NOVA1: variants seen among roughly 807,000 people sequenced by gnomAD.
NOVA1 encodes RNA-binding protein Nova-1.
In NOVA1, 7 loss-of-function variants were observed where a neutral mutation model predicts 38.0. The observed-to-expected ratio is 0.18, with a 90% confidence interval of 0.10 to 0.35. The LOEUF is 0.35. Ranked by LOEUF, NOVA1 falls within the 10% of genes least tolerant of loss-of-function variation. The probability of loss-of-function intolerance (pLI) is 1.00; values close to 1 mark genes in which losing one functional copy is unlikely to be tolerated. For missense variants in NOVA1, 460 were observed against 616.0 expected (o/e 0.75, Z 2.68); for synonymous variants, 270 against 232.5 (o/e 1.16, Z -1.47).
intron 2 of NOVA1, among the ~76,000 whole-genome samples, chr14:26,514,359 G>A (rs1306937605): frequency 2.6e-5 from 4 of 151,528 alleles, no homozygotes; most frequent in Admixed American, 2.6e-4. Flanking sequence ...CATAGTTATG[G>A]TAAATCTGTA....
chr14:26,479,163 A>T (rs944972765), intron 3 of NOVA1: 8 of 152,026 alleles, frequency 5.3e-5, no homozygotes, highest in African/African-American at 1.9e-4. Context: ...ATAGTCTGTG[A>T]TAGTAAAATT....
chr14:26,503,501 T>C (rs533183303), intron 2 of NOVA1, among the ~76,000 whole-genome samples: 1 of 152,226 alleles, frequency 6.6e-6, no homozygotes, highest in African/African-American at 2.4e-5. Flanking sequence ...TATAAAAGTT[T>C]GGGATGGAAA....
intron 4 of NOVA1, among the ~76,000 whole-genome samples, chr14:26,459,505 C>T (rs1397296582): frequency 6.6e-6 from 1 of 151,908 alleles, no homozygotes; most frequent in East Asian, 1.9e-4. Flanking sequence ...AATATATTCC[C>T]ATCATTAAGC....
chr14:26,449,063 TAAAC>T, intron 4 of NOVA1, 100 bp from the exon 5 acceptor site: 1 of 1,101,112 alleles, frequency 9.1e-7, no homozygotes, highest in Non-Finnish European at 1.3e-6. Context: ...AACTGAAAAT[TAAAC>T]ATAATTTATG....
rs538270861 is a variant in NOVA1, at chr14:26,448,353, C to G, written c.1130G>C (p.Gly377Ala). 1.7e-5 allele frequency: 27 copies of G among 1,614,094 alleles called. 1 individual carries two copies. The South Asian group carries it at 2.9e-4, about 17-fold the overall frequency. Residue 377 changes from glycine (G) to alanine (A), a missense_variant, in exon 5 of 5, where the codon GGT becomes GCT. Physicochemically the swap from Gly to Ala is moderately conservative, Grantham distance 60 (BLOSUM62 0). Transcript: ENST00000539517. The surrounding 1 kb of genome is among the most constrained non-coding windows in gnomAD (Gnocchi z 5.3). ...SEASASGSTA[G>A]GTAGTFALGS... ...TAATGCAAATGTCCCCGCCGTACCA[C>G]CAGCTGTGCTGCCACTGGCTGAGGC...
At chr14:26,534,792 A>AT (rs1165466724) in intron 2 of NOVA1, among the ~76,000 whole-genome samples, 3 of 152,136 alleles carry the variant, frequency 2.0e-5, no homozygotes, top group African/African-American at 7.2e-5. Flanking sequence ...CCTAAATATA[A>AT]TCACAAGAGG....
At chr14:26,533,158 C>G (rs1219987553) in intron 2 of NOVA1, among the ~76,000 whole-genome samples, 1 of 152,218 alleles carries the variant, frequency 6.6e-6, no homozygotes, top group African/African-American at 2.4e-5. Context: ...ATACAACTGA[C>G]AGGAAGTTAG....
At chr14:26,499,992 GT>G (rs1185845985) in intron 2 of NOVA1, among the ~76,000 whole-genome samples, 1 of 152,038 alleles carries the variant, frequency 6.6e-6, no homozygotes. Flanking sequence ...GTCTATCCAA[GT>G]TTTTTACACT....
rs1882045967 is a variant in NOVA1 at position 26,446,126 on chromosome 14, C to A, written c.*1833G>T. 1 of 148,942 alleles carries A rather than the reference C, an allele frequency of 6.7e-6. No individual in the cohort carries two copies. The allele number at this position is 148,942 out of a possible 1,614,324, so 9.2% of individuals were successfully genotyped here. ...AATAAATATTTAGAGATAGAGAACT[C>A]TAAATGAAATAACAGTCCAATGTTA... is the stretch of plus-strand genomic sequence containing the variant. On this transcript the variant is annotated 3_prime_UTR_variant, in exon 5 of 5. Coordinates refer to ENST00000539517, the MANE Select transcript of NOVA1 (RefSeq NM_002515.3).
chr14:26,482,411 A>C (rs951066680), intron 2 of NOVA1, among the ~76,000 whole-genome samples: 3 of 152,178 alleles, frequency 2.0e-5, no homozygotes, highest in African/African-American at 7.2e-5. Context: ...CTCAGAAAAC[A>C]CAAAACCGTA....
intron 2 of NOVA1, among the ~76,000 whole-genome samples, chr14:26,536,997 T>C (rs1031554873): frequency 6.6e-6 from 1 of 152,156 alleles, no homozygotes; most frequent in African/African-American, 2.4e-5. Context: ...ATACTGTGTA[T>C]ACTATACTCC....
chr14:26,510,005 C>T (rs1217452074), intron 2 of NOVA1, among the ~76,000 whole-genome samples: 1 of 151,962 alleles, frequency 6.6e-6, no homozygotes, highest in Non-Finnish European at 1.5e-5. Flanking sequence ...TCAGAGTACA[C>T]AGTACAGACA....
chr14:26,464,794 A>G (rs1357431503), intron 4 of NOVA1, among the ~76,000 whole-genome samples: 1 of 152,158 alleles, frequency 6.6e-6, no homozygotes, highest in Non-Finnish European at 1.5e-5. Flanking sequence ...TTCCTATATT[A>G]AATCTTCCCC....
At chr14:26,502,183 C>T (rs1452962942) in intron 2 of NOVA1, among the ~76,000 whole-genome samples, 4 of 151,622 alleles carry the variant, frequency 2.6e-5, no homozygotes, top group Admixed American at 6.6e-5. Flanking sequence ...TCTTTACAGA[C>T]CCTGATGTTG....
chr14:26,510,525 A>G (rs1372433460), intron 2 of NOVA1, among the ~76,000 whole-genome samples: 3 of 152,224 alleles, frequency 2.0e-5, no homozygotes, highest in African/African-American at 7.2e-5. Context: ...TCTCTTTTAA[A>G]AGGCTCCCAC....
Position 26,493,401 on chromosome 14 carries a change from CT to C in NOVA1, c.281-13259del, listed in dbSNP as rs1462558303. On this transcript the variant is annotated intron_variant, in intron 2 of 4. Transcript: ENST00000539517. ...TAATGTATTTCTGTTAATTCCAATT[CT>C]TCTTTCATATAAGTCTCTCTCCTAT... 5.3e-5 allele frequency among the ~76,000 whole-genome samples: 8 copies of C among 152,242 alleles called. No homozygotes were observed. In the East Asian group the frequency reaches 1.5e-3, roughly 29 times the overall value.
At chr14:26,548,675 A>G (rs1411847410) in intron 2 of NOVA1, among the ~76,000 whole-genome samples, 1 of 152,212 alleles carries the variant, frequency 6.6e-6, no homozygotes, top group Non-Finnish European at 1.5e-5. Flanking sequence ...TACTAAAGAC[A>G]GCACTCTTAT....
Position 26,533,802 on chromosome 14 carries a change from A to C in NOVA1, c.281-53659T>G, listed in dbSNP as rs1459302333. On this transcript the variant is annotated intron_variant, in intron 2 of 4. Coordinates refer to ENST00000539517, the MANE Select transcript of NOVA1 (RefSeq NM_002515.3). Reference sequence around the variant, plus strand: ...CAGCACCTAGCACAATGCTTAATACATAGCAGGTATGCAACAAATAGTCCT... The same window carrying C: ...CAGCACCTAGCACAATGCTTAATACCTAGCAGGTATGCAACAAATAGTCCT... 2.0e-5 allele frequency among the ~76,000 whole-genome samples: 3 copies of C among 152,206 alleles called. No individual in the cohort carries two copies. In the East Asian group the frequency reaches 5.8e-4, roughly 29 times the overall value.
chr14:26,548,146 T>C (rs1008911649), intron 2 of NOVA1, among the ~76,000 whole-genome samples: 1 of 136,152 alleles, frequency 7.3e-6, no homozygotes, highest in Non-Finnish European at 1.6e-5. Flanking sequence ...TAAAACATTA[T>C]CACTCAGCAT....
Sources: allele counts gnomAD v4.1 joint callset (sites outside exome capture counted in the v4.1 genomes callset), GRCh38; gene constraint gnomAD v4.1.1; non-coding constraint Gnocchi (gnomAD v3.1); transcripts MANE v1.5; gene names NCBI Gene and HGNC (gene_info 2026-07-23, HGNC 2026-07-21).